CD96: variants seen among roughly 807,000 people sequenced by gnomAD.
The protein encoded by CD96 is CD96 molecule.
In CD96, 70 loss-of-function variants were observed where a neutral mutation model predicts 71.3. That is an observed-to-expected ratio of 0.98 (90% CI 0.81 to 1.20). The LOEUF is 1.20. Among genes scored for constraint, CD96 ranks in the 50% most tolerant of loss-of-function variants. The pLI is 0.00. For missense variants in CD96, 742 were observed against 677.5 expected (o/e 1.10, Z -1.06); for synonymous variants, 248 against 233.0 (o/e 1.06, Z -0.59).
chr3:111,548,155 T>C (rs1044275492), intron 2 of CD96, among the ~76,000 whole-genome samples: 4 of 152,144 alleles, frequency 2.6e-5, no homozygotes, highest in African/African-American at 9.7e-5. Flanking sequence ...AAATGCAAAT[T>C]GAAGTGGTGC....
Position 111,600,841 on chromosome 3 carries a change from G to A in CD96, c.1014G>A (p.Trp338Ter). The A allele has an allele frequency of 6.2e-7, 1 of 1,613,120 alleles. No individual in the cohort carries two copies. Among genetic ancestry groups the A allele is most frequent in the South Asian group, 1.1e-5 (1 of 91,062 alleles). The change falls in exon 7 of 14, where the codon TGG (tryptophan) becomes TGA (stop). Residue 338 changes from tryptophan to a stop codon, truncating the protein, a stop_gained. Transcript: ENST00000352690. LOFTEE classifies it high-confidence loss of function. Reference protein sequence around the residue: ...KPAQSDNLTIWCMALSPVPGN... With the variant: ...KPAQSDNLTI ...CCCAATCAGACAACTTGACCATTTG[G>A]TGTATGGCTCTGTCTCCAGTCCCAG... is the stretch of plus-strand genomic sequence containing the variant.
chr3:111,591,854 A>C (rs560901126), intron 5 of CD96, among the ~76,000 whole-genome samples: 63 of 152,328 alleles, frequency 4.1e-4, no homozygotes, highest in Admixed American at 7.2e-4. Context: ...TTTGTTCTAC[A>C]AACAGCTGTT....
intron 5 of CD96, among the ~76,000 whole-genome samples, chr3:111,589,106 ATGCCTGGC>A (rs1936853414): frequency 6.6e-6 from 1 of 151,682 alleles, no homozygotes; most frequent in South Asian, 2.1e-4. Context: ...GCCTGCCACC[ATGCCTGGC>A]TAATTTTTTG....
chr3:111,576,362 A>G (rs1325171888), intron 3 of CD96, among the ~76,000 whole-genome samples: 1 of 152,200 alleles, frequency 6.6e-6, no homozygotes, highest in Non-Finnish European at 1.5e-5. Context: ...CTAAACACCT[A>G]TCATCAAAAG....
At chr3:111,616,140 T>C (rs185884737) in intron 8 of CD96, among the ~76,000 whole-genome samples, 1 of 151,558 alleles carries the variant, frequency 6.6e-6, no homozygotes, top group Admixed American at 6.6e-5. Context: ...ATAAGTTACC[T>C]GTTTGGCTCC....
intron 4 of CD96, among the ~76,000 whole-genome samples, chr3:111,582,379 T>C (rs1218579892): frequency 6.6e-6 from 1 of 152,232 alleles, no homozygotes; most frequent in Non-Finnish European, 1.5e-5. Flanking sequence ...TAGTTTGTGC[T>C]GGGCAGTTAA....
intron 5 of CD96, chr3:111,592,997 G>A (rs1442307881): frequency 6.6e-6 from 1 of 152,306 alleles, no homozygotes; most frequent in African/African-American, 2.4e-5. Flanking sequence ...GAGGCTCACA[G>A]TTCTTTGTCC....
chr3:111,600,567 A>C (rs1397613330), intron 6 of CD96, among the ~76,000 whole-genome samples, 159 bp from the exon 7 acceptor site: 1 of 152,322 alleles, frequency 6.6e-6, no homozygotes, highest in Non-Finnish European at 1.5e-5. Context: ...GCTCAAGTTA[A>C]TTTCAGATCT....
chr3:111,632,610 A>C (rs1318567650), intron 10 of CD96, among the ~76,000 whole-genome samples: 1 of 152,218 alleles, frequency 6.6e-6, no homozygotes, highest in African/African-American at 2.4e-5. Flanking sequence ...CAGCAATCCC[A>C]TTACTGAGTG....
At chr3:111,649,637 T>C in intron 13 of CD96, 61 bp from the exon 14 acceptor site, 1 of 936,444 alleles carries the variant, frequency 1.1e-6, no homozygotes, top group East Asian at 2.4e-5. Flanking sequence ...CATGTCTGTG[T>C]GTGTGTGTGC....
At chr3:111,631,388 C>CTTA (rs1939054028) in intron 10 of CD96, among the ~76,000 whole-genome samples, 1 of 152,080 alleles carries the variant, frequency 6.6e-6, no homozygotes, top group Non-Finnish European at 1.5e-5. Flanking sequence ...AATGAATTCC[C>CTTA]ATTCACAATT....
chr3:111,644,134 C>A (rs141889142), intron 12 of CD96, among the ~76,000 whole-genome samples: 1 of 151,994 alleles, frequency 6.6e-6, no homozygotes, highest in African/African-American at 2.4e-5. Context: ...GTATAAAATA[C>A]GCACATAGAC....
intron 14 of CD96, among the ~76,000 whole-genome samples, chr3:111,658,851 T>G (rs1449930509): frequency 6.6e-6 from 1 of 152,214 alleles, no homozygotes; most frequent in Admixed American, 6.5e-5. Flanking sequence ...GAAGTTCTCT[T>G]TTTTCATTGT....
At position 111,647,577 on chromosome 3, in the gene CD96, C is replaced by T. The variant is rs1429793725; in HGVS notation, c.1512C>T (p.Ser504=). 1.9e-6 allele frequency: 3 copies of T among 1,611,830 alleles called. No individual in the cohort carries two copies. In the South Asian group the frequency reaches 3.3e-5, roughly 18 times the overall value. Residue 504 remains serine (S), a synonymous_variant, in exon 13 of 14, where the codon TCC becomes TCT. Coordinates refer to ENST00000352690, the MANE Select transcript of CD96 (RefSeq NM_005816.5). ...TCAATAAGCCCAAAGATGGAATGTC[C>T]TGGCCAGTGATTGTAGCAGCTTTAC... The part of the protein sequence containing the change: ...IVVNKPKDGM[S]WPVIVAALLF...
At chr3:111,637,767 C>T (rs1355884875) in intron 11 of CD96, among the ~76,000 whole-genome samples, 7 of 149,486 alleles carry the variant, frequency 4.7e-5, no homozygotes, top group African/African-American at 1.7e-4. Context: ...TAGCAGACAT[C>T]ATTTTGTTGT....
intron 14 of CD96, among the ~76,000 whole-genome samples, chr3:111,664,048 C>A (rs1391572225): frequency 6.6e-6 from 1 of 152,188 alleles, no homozygotes; most frequent in Non-Finnish European, 1.5e-5. Flanking sequence ...CTGCGCCCAG[C>A]CGCTTATACA....
intron 12 of CD96, among the ~76,000 whole-genome samples, chr3:111,640,674 G>A (rs1287894575): frequency 6.6e-6 from 1 of 152,190 alleles, no homozygotes; most frequent in African/African-American, 2.4e-5. Context: ...TCTTTGCCGA[G>A]GCACATTGTC....
At chr3:111,623,079 G>A (rs1360489909) in intron 8 of CD96, among the ~76,000 whole-genome samples, 2 of 152,016 alleles carry the variant, frequency 1.3e-5, no homozygotes, top group East Asian at 3.9e-4. Context: ...ATACATTTTG[G>A]ACCAAAAGAG....
At chr3:111,597,366 T>G (rs1937306279) in intron 5 of CD96, among the ~76,000 whole-genome samples, 1 of 152,232 alleles carries the variant, frequency 6.6e-6, no homozygotes, top group Non-Finnish European at 1.5e-5. Context: ...TAACTAGCCC[T>G]GCATCTAAGT....
Sources: allele counts gnomAD v4.1 joint callset (sites outside exome capture counted in the v4.1 genomes callset), GRCh38; gene constraint gnomAD v4.1.1; transcripts MANE v1.5; gene names NCBI Gene and HGNC (gene_info 2026-07-23, HGNC 2026-07-21).